Variants in MIA3 observed in about 807,000 individuals in gnomAD.
MIA3 encodes the protein MIA SH3 domain ER export factor 3, also known as transport and Golgi organization protein 1 homolog.
In MIA3, 90 loss-of-function variants were observed where a neutral mutation model predicts 192.4. That is an observed-to-expected ratio of 0.47 (90% CI 0.39 to 0.56). The LOEUF (loss-of-function observed/expected upper bound fraction) is 0.56, where lower values mean the gene tolerates loss of function less well. Ranked by LOEUF, MIA3 falls within the 20% of genes least tolerant of loss-of-function variation. The probability of loss-of-function intolerance (pLI) is 0.00; values close to 1 mark genes in which losing one functional copy is unlikely to be tolerated. For synonymous variants in MIA3, 740 were observed against 792.8 expected (o/e 0.93, Z 1.12); for missense variants, 2,123 against 2,269.4 (o/e 0.94, Z 1.31).
intron 3 of MIA3, among the ~76,000 whole-genome samples, chr1:222,627,161 G>T (rs1388014091): frequency 2.0e-5 from 3 of 152,210 alleles, no homozygotes; most frequent in African/African-American, 7.2e-5. Flanking sequence ...TAACATTGCG[G>T]TCTAAACTAA....
intron 6 of MIA3, among the ~76,000 whole-genome samples, chr1:222,638,303 A>C (rs1163624854): frequency 6.6e-6 from 1 of 152,216 alleles, no homozygotes; most frequent in Admixed American, 6.5e-5. Context: ...AATAATGGAA[A>C]TATCTGGAAA....
rs756886978 is a variant in MIA3, at chr1:222,645,545, A to G, written c.3478-9A>G. The G allele has an allele frequency of 1.4e-5, 22 of 1,594,606 alleles. No individual in the cohort carries two copies. The highest frequency in any genetic ancestry group is 1.9e-5 in the Non-Finnish European group (22 of 1,169,360). On this transcript the variant is annotated splice_polypyrimidine_tract_variant and intron_variant, in intron 6 of 27. Transcript: ENST00000344922. ...TCTCATTATTTCTAACATTATTTCT[A>G]ACATTCAGCTAGTTGCTACATTGCC...
rs1198713688 is a variant in MIA3, at chr1:222,628,460, G to A, written c.1240G>A (p.Asp414Asn). The change falls in exon 4 of 28, where the codon GAT becomes AAT. Residue 414 changes from aspartate to asparagine, a missense_variant. Coordinates refer to ENST00000344922, the MANE Select transcript of MIA3 (RefSeq NM_198551.4). ...CTCTAGTTCAGAGGAAGAAAAAGAA[G>A]ATGATGATGATGCATTAGTCCCAGA... ...ESSSSEEEKE[D>N]DDDALVPDSK... 6.2e-7 allele frequency: 1 copy of A among 1,612,438 alleles called. No homozygotes were observed. Among genetic ancestry groups the A allele is most frequent in the Non-Finnish European group, 8.5e-7 (1 of 1,179,592 alleles).
chr1:222,627,503 A>G, intron 3 of MIA3, 72 bp from the exon 4 acceptor site: 1 of 1,254,476 alleles, frequency 8.0e-7, no homozygotes. Context: ...TATCTCAATC[A>G]TTAACGTGGA....
chr1:222,645,451 G>A, intron 6 of MIA3, 103 bp from the exon 7 acceptor site: 2 of 1,030,538 alleles, frequency 1.9e-6, no homozygotes, highest in South Asian at 3.4e-5. Context: ...ATAGGTATCT[G>A]ATAGAGTTGG....
Position 222,662,486 on chromosome 1 carries a change from C to T in MIA3, c.5262+154C>T. The T allele has an allele frequency of 1.4e-6, 2 of 1,459,468 alleles. 1 individual carries two copies. Among genetic ancestry groups the T allele is most frequent in the Non-Finnish European group, 1.8e-6 (2 of 1,102,638 alleles). The allele number at this position is 1,459,468 out of a possible 1,614,324, so 90.4% of individuals were successfully genotyped here. On this transcript the variant is annotated intron_variant, in intron 26 of 27. Transcript: ENST00000344922. ...ACTGTTCTCCAAGAGCCTGAAGTCC[C>T]CTCAGTTCCCAGCATTACATCTTTG...
intron 3 of MIA3, among the ~76,000 whole-genome samples, chr1:222,627,179 T>G (rs964573448): frequency 4.6e-5 from 7 of 152,230 alleles, no homozygotes; most frequent in African/African-American, 4.8e-5. Context: ...TAAGATGGAC[T>G]TATCCAGTCA....
chr1:222,633,821 G>T (rs2124859243), intron 6 of MIA3, among the ~76,000 whole-genome samples: 1 of 151,996 alleles, frequency 6.6e-6, no homozygotes, highest in Admixed American at 6.5e-5. Context: ...GGGAAGCCAG[G>T]GAAGCGTGGG....
intron 2 of MIA3, among the ~76,000 whole-genome samples, chr1:222,621,811 TTG>T (rs1224004432): frequency 8.9e-5 from 8 of 90,112 alleles, no homozygotes; most frequent in Non-Finnish European, 1.3e-4. Context: ...TCTTGTTTGT[TTG>T]TTTTTTTTTT....
In MIA3 at chr1:222,629,319, C is replaced by G; in HGVS notation, c.2099C>G (p.Thr700Arg). Residue 700 changes from threonine to arginine, a missense_variant, in exon 4 of 28, where the codon ACA (threonine) becomes AGA (arginine). Physicochemically the swap from Thr to Arg is moderately conservative, Grantham distance 71. Transcript: ENST00000344922. ...EFFHHKAMQG[T>R]EVGQTDQTDS... ...TTTCATCACAAGGCAATGCAGGGCA[C>G]AGAGGTAGGACAGACAGACCAAACT... The G allele has an allele frequency of 6.2e-7, 1 of 1,614,160 alleles. No individual in the cohort carries two copies. Among genetic ancestry groups the G allele is most frequent in the South Asian group, 1.1e-5 (1 of 91,084 alleles).
chr1:222,661,050 A>G (rs1218617467), intron 24 of MIA3: 2 of 152,380 alleles, frequency 1.3e-5, no homozygotes, highest in Non-Finnish European at 2.9e-5. Flanking sequence ...GTATCCGCTT[A>G]AAACACCGTG....
At chr1:222,658,372 T>C (rs1445493286) in intron 18 of MIA3, among the ~76,000 whole-genome samples, 1 of 152,238 alleles carries the variant, frequency 6.6e-6, no homozygotes, top group Non-Finnish European at 1.5e-5. Flanking sequence ...AATTATCTCC[T>C]GCATCATCCT....
intron 3 of MIA3, among the ~76,000 whole-genome samples, chr1:222,625,710 A>AT (rs1662084236): frequency 6.6e-6 from 1 of 152,112 alleles, no homozygotes; most frequent in African/African-American, 2.4e-5. Context: ...GACTAGAAGG[A>AT]TTTTGTGTTC....
chr1:222,644,173 G>T, intron 6 of MIA3: 1 of 641,186 alleles, frequency 1.6e-6, no homozygotes, highest in Non-Finnish European at 2.2e-6. Context: ...CTTTTTACTG[G>T]GATTCTTCCG....
chr1:222,630,119 C>T lies in MIA3; in HGVS notation c.2899C>T (p.Leu967=). ...ACTGAAGTCAGCGCAGCAGGAGAGC[C>T]TGCCCTATAATATGGAAAAAGTCCT... The part of the protein sequence containing the change: ...SKLKSAQQES[L]PYNMEKVLDK... The change falls in exon 4 of 28, where the codon CTG becomes TTG. Residue 967 remains leucine, a synonymous_variant. Coordinates refer to ENST00000344922, the MANE Select transcript of MIA3 (RefSeq NM_198551.4). 1 of 1,614,222 alleles carries T rather than the reference C, an allele frequency of 6.2e-7. No homozygotes were observed. The highest frequency in any genetic ancestry group is 8.5e-7 in the Non-Finnish European group (1 of 1,180,044).
chr1:222,650,032 A>T (rs1663341632), intron 8 of MIA3, among the ~76,000 whole-genome samples: 1 of 152,174 alleles, frequency 6.6e-6, no homozygotes, highest in South Asian at 2.1e-4. Context: ...AGGGATGGTG[A>T]TAAACCACTC....
At chr1:222,642,297 GA>G (rs944261670) in intron 6 of MIA3, among the ~76,000 whole-genome samples, 4 of 151,548 alleles carry the variant, frequency 2.6e-5, no homozygotes, top group Non-Finnish European at 4.4e-5. Flanking sequence ...AAGCTGTAAA[GA>G]AAAAAAATCC....
intron 7 of MIA3, 130 bp downstream of exon 7, chr1:222,645,815 A>C (rs1191739552): frequency 4.0e-6 from 3 of 756,080 alleles, no homozygotes; most frequent in Non-Finnish European, 6.0e-6. Context: ...ACCTTGTAAA[A>C]TAATTTAGTA....
At chr1:222,658,880 T>C in intron 19 of MIA3, 57 bp downstream of exon 19, 1 of 1,142,050 alleles carries the variant, frequency 8.8e-7, no homozygotes, top group Non-Finnish European at 1.3e-6. Flanking sequence ...GTTGGCTTTT[T>C]TTATTAGCAC....
Sources: gnomAD v4.1 joint callset for allele counts (sites outside exome capture counted in the v4.1 genomes callset) on GRCh38, gnomAD v4.1.1 for gene constraint, MANE v1.5 for transcripts, NCBI Gene and HGNC (gene_info 2026-07-23, HGNC 2026-07-21) for gene names.